The following KLC1 variants were observed in gnomAD, a reference collection of about 807,000 sequenced individuals.
The protein encoded by KLC1 is kinesin light chain 1, also known as kinesin 2 60/70kDa.
In KLC1, 30 loss-of-function variants were observed where a neutral mutation model predicts 84.2. The observed-to-expected ratio is 0.36, with a 90% confidence interval of 0.27 to 0.48. KLC1 has a LOEUF of 0.48. KLC1 is among the 20% of genes least tolerant of loss of function. The probability of loss-of-function intolerance (pLI) is 0.99; values close to 1 mark genes in which losing one functional copy is unlikely to be tolerated. For synonymous variants in KLC1, 289 were observed against 293.3 expected (o/e 0.99, Z 0.15); for missense variants, 499 against 805.4 (o/e 0.62, Z 4.60).
At chr14:103,669,655 T>C (rs1345818075) in intron 6 of KLC1, 57 bp downstream of exon 6, 7 of 1,171,388 alleles carry the variant, frequency 6.0e-6, no homozygotes, top group Non-Finnish European at 8.9e-6. Flanking sequence ...ATATATTTCT[T>C]TTATCCAACT....
intron 1 of KLC1, among the ~76,000 whole-genome samples, chr14:103,638,978 G>T (rs796262032): frequency 5.2e-4 from 79 of 152,174 alleles, no homozygotes; most frequent in African/African-American, 1.9e-3. Flanking sequence ...AGAGACCTTG[G>T]ATTGTGTTCT....
Position 103,693,599 on chromosome 14 carries a change from A to G in KLC1, c.1848+1174A>G, listed in dbSNP as rs917474706. 2 of 1,536,082 alleles carry G rather than the reference A, an allele frequency of 1.3e-6. No individual in the cohort carries two copies. The highest frequency in any genetic ancestry group is 8.7e-7 in the Non-Finnish European group (1 of 1,146,896). ...GACTCGCGAGCTCTGAGTGCCAGCCACACTGACCTGGCCCACTGAGAGCCA... is the reference window on the plus strand; with the variant it reads ...GACTCGCGAGCTCTGAGTGCCAGCCGCACTGACCTGGCCCACTGAGAGCCA... On this transcript the variant is annotated intron_variant, in intron 15 of 16. Transcript: ENST00000334553. The surrounding 1 kb of genome is among the most constrained non-coding windows in gnomAD (Gnocchi z 5.1).
At chr14:103,654,398 A>G (rs1264504694) in intron 1 of KLC1, among the ~76,000 whole-genome samples, 166 bp from the exon 2 acceptor site, 1 of 152,240 alleles carries the variant, frequency 6.6e-6, no homozygotes, top group African/African-American at 2.4e-5. Flanking sequence ...TCTGCAAAGG[A>G]AAAACAGAAA....
At chr14:103,675,159 C>T (rs2080772923) in intron 9 of KLC1, among the ~76,000 whole-genome samples, 1 of 152,090 alleles carries the variant, frequency 6.6e-6, no homozygotes, top group Non-Finnish European at 1.5e-5. Context: ...CCCATCTCTA[C>T]TAAAAATACA....
At position 103,682,375 on chromosome 14, in the gene KLC1, G is replaced by GAAAAAAA. The variant is rs3035510; in HGVS notation, c.1650+2839_1650+2845dup. The GAAAAAAA allele has an allele frequency of 1.5e-3, 150 of 97,684 alleles. 2 individuals are homozygous for GAAAAAAA. The East Asian group carries it at 0.022, about 14-fold the overall frequency. 6.1% of individuals were successfully genotyped at this position (97,684 alleles called of 1,614,324 possible). A position where few individuals can be genotyped will look rare whatever the true frequency, so the allele number is the denominator to read the frequency against. Reference sequence around the variant, plus strand: ...ACAGAGCAAGACTCTGTCTCAAAAAGAAAAAAAAAAAAAAAGAGTATACCT... The same window carrying GAAAAAAA: ...ACAGAGCAAGACTCTGTCTCAAAAAGAAAAAAAAAAAAAAAAAAAAAAGAGTATACCT... On this transcript the variant is annotated intron_variant, in intron 13 of 16. Transcript: ENST00000334553.
chr14:103,665,054 A>T (rs1408989116), intron 5 of KLC1, among the ~76,000 whole-genome samples: 1 of 151,818 alleles, frequency 6.6e-6, no homozygotes, highest in Non-Finnish European at 1.5e-5. Context: ...ACGTGCGTAG[A>T]TGTTTGGGAA....
chr14:103,641,445 C>T (rs1264044268), intron 1 of KLC1, among the ~76,000 whole-genome samples: 2 of 152,148 alleles, frequency 1.3e-5, no homozygotes, highest in African/African-American at 4.8e-5. Context: ...ACAACACAAG[C>T]CACAGTCCTG....
intron 7 of KLC1, 58 bp downstream of exon 7, chr14:103,670,341 T>TG: frequency 1.1e-6 from 1 of 895,708 alleles, no homozygotes; most frequent in South Asian, 1.9e-5. Context: ...TGTGTGTGGT[T>TG]TTTTTTTTTT....
intron 1 of KLC1, among the ~76,000 whole-genome samples, chr14:103,641,868 T>C (rs572651364): frequency 2.6e-5 from 4 of 152,310 alleles, no homozygotes; most frequent in South Asian, 4.1e-4. Flanking sequence ...GCTATCTGCC[T>C]GCCTTGGCAT....
chr14:103,655,372 G>A (rs957901907), intron 2 of KLC1, among the ~76,000 whole-genome samples: 5 of 145,644 alleles, frequency 3.4e-5, no homozygotes, highest in Non-Finnish European at 6.1e-5. Flanking sequence ...ATGCAGTCTC[G>A]GCTCACTGCA....
rs576039076 is a variant in KLC1 at position 103,687,059 on chromosome 14, C to T, written c.1651-22C>T. 62 of 1,509,054 alleles carry T rather than the reference C, an allele frequency of 4.1e-5. 2 individuals carry two copies. The South Asian group carries it at 6.7e-4, about 16-fold the overall frequency. 93.5% of individuals were successfully genotyped at this position (1,509,054 alleles called of 1,614,324 possible). On this transcript the variant is annotated intron_variant, in intron 13 of 16. Transcript: ENST00000334553. Reference sequence around the variant, plus strand: ...GGAGGGAGAACCACCTGCAGCTTCACGTTTGTTCACGTTTTTTTCAGGATG... The same window carrying T: ...GGAGGGAGAACCACCTGCAGCTTCATGTTTGTTCACGTTTTTTTCAGGATG...
At position 103,701,218 on chromosome 14, in the gene KLC1, C is replaced by G. The variant is rs1021987768; in HGVS notation, c.*19C>G. On this transcript the variant is annotated 3_prime_UTR_variant, in exon 17 of 17. Transcript: ENST00000334553. ...TCTTGCAGTGACCCCGACCTGGCCC[C>G]GCTCCAGGATGGGACTGCCGAGTGT... 1.7e-5 allele frequency: 27 copies of G among 1,550,382 alleles called. No individual in the cohort carries two copies. Among genetic ancestry groups the G allele is most frequent in the Non-Finnish European group, 2.4e-5 (27 of 1,146,356 alleles).
rs1172447831 is a variant in KLC1, at chr14:103,669,470, G to A, written c.798-41G>A. On this transcript the variant is annotated intron_variant, in intron 5 of 16. Transcript: ENST00000334553. Reference sequence around the variant, plus strand: ...AAGAAAAGAAAAGAAAAGCTGTAGTGATCTACATCTGAAACACTTAATGTG... The same window carrying A: ...AAGAAAAGAAAAGAAAAGCTGTAGTAATCTACATCTGAAACACTTAATGTG... 5 of 1,010,994 alleles carry A rather than the reference G, an allele frequency of 4.9e-6. No individual in the cohort carries two copies. The East Asian group carries it at 1.4e-4, about 28-fold the overall frequency. The allele number at this position is 1,010,994 out of a possible 1,614,324, so 62.6% of individuals were successfully genotyped here.
chr14:103,696,539 G>A (rs905508871), intron 15 of KLC1: 14 of 985,366 alleles, frequency 1.4e-5, no homozygotes, highest in Non-Finnish European at 1.7e-5. Flanking sequence ...GATGTCATTA[G>A]CTTCTGTTTG....
At chr14:103,673,850 G>A (rs1455188314) in intron 9 of KLC1, among the ~76,000 whole-genome samples, 1 of 152,064 alleles carries the variant, frequency 6.6e-6, no homozygotes, top group African/African-American at 2.4e-5. Flanking sequence ...GTGAACCCGG[G>A]AGGCGGATCT....
intron 13 of KLC1, chr14:103,686,068 G>A (rs542192022): frequency 1.4e-5 from 14 of 1,016,476 alleles, no homozygotes; most frequent in South Asian, 1.1e-4. Flanking sequence ...TGGGGGCCCC[G>A]CTCGGACTCC....
chr14:103,700,805 G>A (rs569905965), intron 16 of KLC1, 78 bp downstream of exon 16: 2 of 1,223,912 alleles, frequency 1.6e-6, no homozygotes, highest in South Asian at 2.9e-5. Context: ...GGACTGGGGG[G>A]AGCTGGGGAT....
At chr14:103,697,249 C>T (rs1305946323) in intron 15 of KLC1, 1 of 393,536 alleles carries the variant, frequency 2.5e-6, no homozygotes, top group African/African-American at 2.2e-5. Flanking sequence ...ACTTTAGGGT[C>T]ATAGAGAGCC....
intron 13 of KLC1, chr14:103,683,109 T>C (rs1285444125): frequency 6.6e-6 from 1 of 152,224 alleles, no homozygotes; most frequent in Non-Finnish European, 1.5e-5. Flanking sequence ...AAGAGTTATG[T>C]GGTCAAAGAA....
Sources: gnomAD v4.1 joint callset for allele counts (sites outside exome capture counted in the v4.1 genomes callset) on GRCh38, gnomAD v4.1.1 for gene constraint, Gnocchi (gnomAD v3.1) non-coding constraint, MANE v1.5 for transcripts, NCBI Gene and HGNC (gene_info 2026-07-23, HGNC 2026-07-21) for gene names.